Variants in SBF2 observed in about 807,000 individuals in gnomAD.
The protein encoded by SBF2 is SET binding factor 2.
A neutral mutation model predicts 225.2 loss-of-function variants in SBF2; 112 were observed. That is an observed-to-expected ratio of 0.50 (90% CI 0.43 to 0.58). The LOEUF is 0.58. SBF2 is among the 20% of genes least tolerant of loss of function. SBF2 has a pLI of 0.00. For synonymous variants in SBF2, 763 were observed against 773.3 expected (o/e 0.99, Z 0.22); for missense variants, 1,996 against 2,206.2 (o/e 0.90, Z 1.91).
At chr11:10,112,095 A>AT (rs1952893714) in intron 2 of SBF2, among the ~76,000 whole-genome samples, 1 of 152,226 alleles carries the variant, frequency 6.6e-6, no homozygotes, top group African/African-American at 2.4e-5. Context: ...CATGAACTAA[A>AT]TGTCACATTC....
chr11:9,882,795 C>CAAAAAAAAAAAAAAAAAAA (rs56699466), intron 17 of SBF2, among the ~76,000 whole-genome samples: 1 of 90,058 alleles, frequency 1.1e-5, no homozygotes, highest in Non-Finnish European at 2.4e-5. Context: ...GTGACAGAGT[C>CAAAAAAAAAAAAAAAAAAA]AAAAAAAAAA....
chr11:10,239,731 A>AGGC (rs1959182435), intron 1 of SBF2, among the ~76,000 whole-genome samples: 3,153 of 143,072 alleles, frequency 0.022, 97 homozygotes, highest in Middle Eastern at 0.06. Context: ...CGTCACAACA[A>AGGC]TGGTCAAGAG....
chr11:10,252,030 A>G (rs1960400730), intron 1 of SBF2, among the ~76,000 whole-genome samples: 1 of 152,216 alleles, frequency 6.6e-6, no homozygotes, highest in South Asian at 2.1e-4. Flanking sequence ...TCATCATGCT[A>G]AATGTGACAT....
In SBF2 at chr11:9,839,226, G is replaced by C. The variant is rs1379209765; in HGVS notation, c.3455+272C>G. 6.7e-6 allele frequency: 3 copies of C among 448,444 alleles called. No individual in the cohort carries two copies. The East Asian group carries it at 1.4e-4, about 21-fold the overall frequency. 27.8% of individuals were successfully genotyped at this position (448,444 alleles called of 1,614,324 possible). ...TGTTCTTCAAGTTATCTTTAGTCAT[G>C]CTAGAAAAGAAGCAAACTGGGAAGA... is the stretch of plus-strand genomic sequence containing the variant. On this transcript the variant is annotated intron_variant, in intron 26 of 39. Transcript: ENST00000256190.
intron 28 of SBF2, among the ~76,000 whole-genome samples, chr11:9,823,504 A>G (rs1310964275): frequency 5.4e-5 from 7 of 128,790 alleles, no homozygotes; most frequent in Non-Finnish European, 9.7e-5. Context: ...GGGTTAGGGT[A>G]AAAAAAAAAA....
At chr11:10,217,162 T>C (rs1391264931) in intron 1 of SBF2, among the ~76,000 whole-genome samples, 1 of 152,056 alleles carries the variant, frequency 6.6e-6, no homozygotes, top group Non-Finnish European at 1.5e-5. Context: ...TATCAGGAGG[T>C]AGAAGGAGAA....
chr11:10,291,561 TCTC>T (rs1381655839), intron 1 of SBF2, among the ~76,000 whole-genome samples: 1 of 152,046 alleles, frequency 6.6e-6, no homozygotes, highest in Non-Finnish European at 1.5e-5. Context: ...GTGCTTAGAC[TCTC>T]CTATTTCCCA....
chr11:10,046,398 T>C (rs1218156196), intron 2 of SBF2, among the ~76,000 whole-genome samples: 2 of 152,152 alleles, frequency 1.3e-5, no homozygotes, highest in East Asian at 3.8e-4. Context: ...AATTCAACAA[T>C]GAATAAAAAT....
intron 28 of SBF2, among the ~76,000 whole-genome samples, chr11:9,818,420 G>C (rs1854571302): frequency 6.6e-6 from 1 of 152,178 alleles, no homozygotes; most frequent in Non-Finnish European, 1.5e-5. Flanking sequence ...AATTTGACTA[G>C]CACTGTATCA....
At chr11:9,832,568 T>C in intron 26 of SBF2, 148 bp from the exon 27 acceptor site, 1 of 669,170 alleles carries the variant, frequency 1.5e-6, no homozygotes, top group Non-Finnish European at 2.7e-6. Flanking sequence ...CAGAAACATA[T>C]TAGTTGAAGG....
chr11:10,111,147 T>C (rs1207031690), intron 2 of SBF2, among the ~76,000 whole-genome samples: 3 of 152,204 alleles, frequency 2.0e-5, no homozygotes, highest in African/African-American at 4.8e-5. Flanking sequence ...TATGCTGACA[T>C]AAAAATGAAT....
At chr11:9,856,106 G>C (rs1434948886) in intron 19 of SBF2, among the ~76,000 whole-genome samples, 1 of 152,206 alleles carries the variant, frequency 6.6e-6, no homozygotes. Flanking sequence ...TGAGGAAAAG[G>C]AGGGCTGAGA....
Position 10,071,082 on chromosome 11 carries a change from A to T in SBF2, c.142-28101T>A, listed in dbSNP as rs553378380. Among the ~76,000 whole-genome samples the T allele has an allele frequency of 3.6e-4, 55 of 152,126 alleles. No individual in the cohort carries two copies. In the South Asian group the frequency reaches 4.4e-3, roughly 12 times the overall value. ...TGGGCTGAGACGATGGTGTTTTCTA[A>T]ATATACAATATTGTAATCCACAAAC... is the stretch of plus-strand genomic sequence containing the variant. On this transcript the variant is annotated intron_variant, in intron 2 of 39. Coordinates refer to ENST00000256190, the MANE Select transcript of SBF2 (RefSeq NM_030962.4).
chr11:9,977,101 CTTGTCTTGGCCTATCTTT>C (rs1291487155), intron 13 of SBF2, among the ~76,000 whole-genome samples: 1 of 152,090 alleles, frequency 6.6e-6, no homozygotes, highest in Non-Finnish European at 1.5e-5. Flanking sequence ...TTATGAAGTT[CTTGTCTTGGCCTATCTTT>C]TTGTCTTGGC....
At chr11:10,027,739 G>A (rs1284281963) in intron 6 of SBF2, among the ~76,000 whole-genome samples, 1 of 152,128 alleles carries the variant, frequency 6.6e-6, no homozygotes, top group Non-Finnish European at 1.5e-5. Context: ...GCTGTCCAAG[G>A]TACAGTGGAC....
rs777225303 is a variant in SBF2, at chr11:10,042,832, A to G, written c.279+12T>C. 3.7e-6 allele frequency: 6 copies of G among 1,613,586 alleles called. No individual in the cohort carries two copies. In the East Asian group the frequency reaches 8.9e-5, roughly 24 times the overall value. Reference sequence around the variant, plus strand: ...CCTTCGACTGTACTTTAGCTAGTAAAGGTTTTTGTACCTGAAGATTGATCT... The same window carrying G: ...CCTTCGACTGTACTTTAGCTAGTAAGGGTTTTTGTACCTGAAGATTGATCT... On this transcript the variant is annotated intron_variant, in intron 3 of 39. Coordinates refer to ENST00000256190, the MANE Select transcript of SBF2 (RefSeq NM_030962.4).
intron 26 of SBF2, among the ~76,000 whole-genome samples, chr11:9,834,012 A>G (rs2088295): frequency 0.8 from 120,480 of 150,692 alleles, 48,973 homozygotes; most frequent in Non-Finnish European, 0.86. Flanking sequence ...CAGGTGATCC[A>G]CCTGCCTCGG....
At chr11:9,931,106 C>G (rs977543650) in intron 16 of SBF2, among the ~76,000 whole-genome samples, 5 of 152,268 alleles carry the variant, frequency 3.3e-5, no homozygotes, top group East Asian at 1.9e-4. Flanking sequence ...CCAGGAAGCT[C>G]GAACTGGGCG....
chr11:10,285,207 G>C (rs1188961221), intron 1 of SBF2, among the ~76,000 whole-genome samples: 1 of 151,992 alleles, frequency 6.6e-6, no homozygotes, highest in Non-Finnish European at 1.5e-5. Flanking sequence ...CTACTCGGCA[G>C]GCTGAGGTGG....
Sources: allele counts gnomAD v4.1 joint callset (sites outside exome capture counted in the v4.1 genomes callset), GRCh38; gene constraint gnomAD v4.1.1; transcripts MANE v1.5; gene names NCBI Gene and HGNC (gene_info 2026-07-23, HGNC 2026-07-21).